The following TAFA2 variants were observed in gnomAD, a reference collection of about 807,000 sequenced individuals.
The protein encoded by TAFA2 is TAFA chemokine like family member 2, also known as chemokine-like protein TAFA-2.
In TAFA2, 7 loss-of-function variants were observed where a neutral mutation model predicts 18.8. The observed-to-expected ratio is 0.37, with a 90% CI of 0.21 to 0.70. The LOEUF is 0.70. TAFA2 is among the 30% of genes least tolerant of loss of function. The probability of loss-of-function intolerance (pLI) is 0.53; values close to 1 mark genes in which losing one functional copy is unlikely to be tolerated. For missense variants in TAFA2, 122 were observed against 158.1 expected, an observed-to-expected ratio of 0.77 and a Z score of 1.23; for synonymous variants, 60 against 54.2, an observed-to-expected ratio of 1.11 and a Z score of -0.47.
At chr12:62,248,770 T>C (rs775455168) in intron 1 of TAFA2, among the ~76,000 whole-genome samples, 1 of 152,298 alleles carries the variant, frequency 6.6e-6, no homozygotes, top group South Asian at 2.1e-4. Context: ...AAAATATATA[T>C]AATAAAATTT....
intron 2 of TAFA2, among the ~76,000 whole-genome samples, chr12:61,790,987 G>A (rs1356611473): frequency 1.3e-5 from 2 of 151,800 alleles, no homozygotes; most frequent in East Asian, 3.9e-4. Flanking sequence ...AGCCAAAATA[G>A]GATGGTACTG....
chr12:61,713,162 A>G (rs529997499), intron 4 of TAFA2, among the ~76,000 whole-genome samples: 17 of 152,298 alleles, frequency 1.1e-4, no homozygotes, highest in African/African-American at 4.1e-4. Flanking sequence ...TGTAAACACA[A>G]TGTAGCCCAC....
At chr12:61,994,568 AT>A (rs904726864) in intron 1 of TAFA2, among the ~76,000 whole-genome samples, 2 of 151,630 alleles carry the variant, frequency 1.3e-5, no homozygotes, top group African/African-American at 4.9e-5. Flanking sequence ...AAATACCTCC[AT>A]TTTTTTCATG....
intron 3 of TAFA2, 82 bp from the exon 4 acceptor site, chr12:61,753,828 C>A: frequency 7.7e-7 from 1 of 1,298,976 alleles, no homozygotes; most frequent in Non-Finnish European, 1.0e-6. Context: ...GGAACAAAAG[C>A]CACTAATTTT....
At chr12:62,165,955 A>G (rs1057313606) in intron 1 of TAFA2, among the ~76,000 whole-genome samples, 2 of 151,338 alleles carry the variant, frequency 1.3e-5, no homozygotes, top group Non-Finnish European at 3.0e-5. Flanking sequence ...ACACACACAC[A>G]CACACACACA....
intron 1 of TAFA2, among the ~76,000 whole-genome samples, chr12:61,923,731 G>C (rs922971624): frequency 6.6e-6 from 1 of 152,100 alleles, no homozygotes; most frequent in Non-Finnish European, 1.5e-5. Context: ...ACTGGATGGA[G>C]AATGAGTTTG....
intron 1 of TAFA2, among the ~76,000 whole-genome samples, chr12:62,207,689 T>C (rs547785714): frequency 3.3e-5 from 5 of 152,298 alleles, no homozygotes; most frequent in Middle Eastern, 3.4e-3. Context: ...GTACAGGGGA[T>C]GTTCCACTTC....
At chr12:61,930,362 T>G (rs1204848324) in intron 1 of TAFA2, among the ~76,000 whole-genome samples, 1 of 152,176 alleles carries the variant, frequency 6.6e-6, no homozygotes, top group East Asian at 1.9e-4. Context: ...AGTTTACATC[T>G]TTGTACTCCT....
intron 1 of TAFA2, among the ~76,000 whole-genome samples, chr12:62,124,232 T>C (rs1411049909): frequency 6.6e-6 from 1 of 151,944 alleles, no homozygotes; most frequent in African/African-American, 2.4e-5. Flanking sequence ...TATGTATTTG[T>C]CAGAAATAAA....
At chr12:61,837,049 T>A (rs1443141386) in intron 2 of TAFA2, among the ~76,000 whole-genome samples, 2 of 151,668 alleles carry the variant, frequency 1.3e-5, no homozygotes, top group African/African-American at 4.8e-5. Flanking sequence ...GAAAGTTTTT[T>A]AATTTTCACA....
At chr12:61,766,872 T>A (rs1017599307) in intron 2 of TAFA2, among the ~76,000 whole-genome samples, 1 of 152,136 alleles carries the variant, frequency 6.6e-6, no homozygotes, top group African/African-American at 2.4e-5. Context: ...TATGTGTGCT[T>A]AACTTTTTTT....
At chr12:61,962,003 T>C (rs1216962832) in intron 1 of TAFA2, among the ~76,000 whole-genome samples, 1 of 152,024 alleles carries the variant, frequency 6.6e-6, no homozygotes, top group East Asian at 1.9e-4. Context: ...TTCACTAGAA[T>C]TGAATAATTT....
chr12:61,781,403 A>T (rs1042722167), intron 2 of TAFA2, among the ~76,000 whole-genome samples: 2 of 151,818 alleles, frequency 1.3e-5, no homozygotes, highest in Non-Finnish European at 2.9e-5. Context: ...CTGCAAACAC[A>T]GGCAGCACAC....
At chr12:62,125,437 A>G (rs1438818269) in intron 1 of TAFA2, among the ~76,000 whole-genome samples, 4 of 152,018 alleles carry the variant, frequency 2.6e-5, no homozygotes, top group African/African-American at 7.2e-5. Context: ...TGCATCCCCA[A>G]CCTCAGCATT....
chr12:61,955,508 A>T (rs1592511648), intron 1 of TAFA2, among the ~76,000 whole-genome samples: 1 of 148,256 alleles, frequency 6.7e-6, no homozygotes, highest in South Asian at 2.2e-4. Flanking sequence ...AGGCTAAGAC[A>T]GGAAAATCGC....
chr12:61,874,388 C>T (rs2121246185), intron 1 of TAFA2, among the ~76,000 whole-genome samples: 1 of 152,210 alleles, frequency 6.6e-6, no homozygotes, highest in East Asian at 1.9e-4. Context: ...TAATTCTGTT[C>T]AGTAAAGAAG....
At chr12:62,051,940 T>A (rs1882065158) in intron 1 of TAFA2, among the ~76,000 whole-genome samples, 2 of 152,148 alleles carry the variant, frequency 1.3e-5, no homozygotes, top group Admixed American at 6.5e-5. Flanking sequence ...AACTACTAAG[T>A]CTGCCTTTGT....
At chr12:61,990,540 C>A (rs1385137021) in intron 1 of TAFA2, among the ~76,000 whole-genome samples, 2 of 151,830 alleles carry the variant, frequency 1.3e-5, no homozygotes, top group African/African-American at 4.8e-5. Context: ...GGGGTTTCAC[C>A]ATGTTAGCCA....
At position 62,208,654 on chromosome 12, in the gene TAFA2, G is replaced by C. The variant is rs77919896; in HGVS notation, c.-130+50109C>G. Among the ~76,000 whole-genome samples the C allele has an allele frequency of 7.9e-3, 1,196 of 152,212 alleles. 15 individuals carry two copies. The highest frequency in any genetic ancestry group is 0.026 in the African/African-American group (1,098 of 41,534). On this transcript the variant is annotated intron_variant, in intron 1 of 5. Transcript: ENST00000551619. The stretch of plus-strand genomic sequence containing the variant: ...AAATTAATGGCCCATATAATGAATA[G>C]AATAGTCTCAGAAGTACCGATTAGA...
Sources: allele counts gnomAD v4.1 joint callset (sites outside exome capture counted in the v4.1 genomes callset), GRCh38; gene constraint gnomAD v4.1.1; transcripts MANE v1.5; gene names NCBI Gene and HGNC (gene_info 2026-07-23, HGNC 2026-07-21).